Variants in UQCC1 observed in about 807,000 individuals in gnomAD.
The protein encoded by UQCC1 is bFGF-repressed Zic-binding protein.
UQCC1 carries 38 observed loss-of-function variants against 48.0 expected under a neutral mutation model. The ratio of observed to expected loss-of-function variants is 0.79; its 90% CI spans 0.61 to 1.04. The LOEUF is 1.04. Among genes scored for constraint, UQCC1 ranks in the 50% least tolerant of loss-of-function variants. The probability of loss-of-function intolerance (pLI) is 0.00; values close to 1 mark genes in which losing one functional copy is unlikely to be tolerated. For synonymous variants in UQCC1, 111 were observed against 129.2 expected, an observed-to-expected ratio of 0.86 and a Z score of 0.95; for missense variants, 368 against 381.8, an observed-to-expected ratio of 0.96 and a Z score of 0.30.
At chr20:35,398,143 G>A (rs2062108083) in intron 1 of UQCC1, among the ~76,000 whole-genome samples, 1 of 152,136 alleles carries the variant, frequency 6.6e-6, no homozygotes, top group African/African-American at 2.4e-5. Context: ...GCTCATTTAT[G>A]GGATGAAAGG....
intron 8 of UQCC1, among the ~76,000 whole-genome samples, chr20:35,310,830 C>T (rs1468576579): frequency 6.8e-6 from 1 of 147,236 alleles, no homozygotes; most frequent in East Asian, 2.1e-4. Context: ...GTAGCTGGGA[C>T]TACAGGCGCC....
intron 1 of UQCC1, among the ~76,000 whole-genome samples, chr20:35,398,802 T>G: frequency 6.8e-6 from 1 of 147,486 alleles, no homozygotes; most frequent in African/African-American, 2.5e-5. Context: ...AATTACAAGT[T>G]GAAACAATGC....
intron 6 of UQCC1, among the ~76,000 whole-genome samples, chr20:35,354,819 CTG>C (rs1818503908): frequency 1.3e-5 from 2 of 152,180 alleles, no homozygotes; most frequent in African/African-American, 4.8e-5. Context: ...TTCTTGGAAA[CTG>C]TAACTGTAAG....
In UQCC1 at chr20:35,384,050, G is replaced by A. The variant is rs1282497184; in HGVS notation, c.213C>T (p.His71=). The A allele has an allele frequency of 6.2e-7, 1 of 1,612,064 alleles. No homozygotes were observed. Among genetic ancestry groups the A allele is most frequent in the Non-Finnish European group, 8.5e-7 (1 of 1,178,328 alleles). ...GIDIQLNRKY[H]TTRKLSTTKD... ...TGATAATTCTCACCTTACGTGTGGTGTGATACTTCCTATTCAGCTGTATGT... is the reference window on the plus strand; with the variant it reads ...TGATAATTCTCACCTTACGTGTGGTATGATACTTCCTATTCAGCTGTATGT... The change falls in exon 3 of 10, where the codon CAC becomes CAT. Residue 71 remains histidine (H), a synonymous_variant. Coordinates refer to ENST00000374385, the MANE Select transcript of UQCC1 (RefSeq NM_018244.5).
intron 1 of UQCC1, among the ~76,000 whole-genome samples, chr20:35,410,733 T>TAAAAA (rs2062346505): frequency 6.4e-5 from 1 of 15,556 alleles, no homozygotes; most frequent in African/African-American, 2.6e-4. Context: ...AACAAAACCC[T>TAAAAA]AAAGGGTGGC....
intron 1 of UQCC1, among the ~76,000 whole-genome samples, chr20:35,411,713 A>T (rs957331697): frequency 6.6e-6 from 1 of 152,150 alleles, no homozygotes; most frequent in African/African-American, 2.4e-5. Context: ...CATCAAATAA[A>T]GGCCAGATGT....
intron 7 of UQCC1, among the ~76,000 whole-genome samples, chr20:35,328,200 G>A (rs1054529295): frequency 1.3e-5 from 2 of 152,106 alleles, no homozygotes; most frequent in Non-Finnish European, 2.9e-5. Context: ...TTGGTGTTCT[G>A]TATTTAAGTC....
At chr20:35,334,501 A>G (rs2061292974) in intron 7 of UQCC1, among the ~76,000 whole-genome samples, 1 of 152,148 alleles carries the variant, frequency 6.6e-6, no homozygotes, top group South Asian at 2.1e-4. Context: ...TCTAGCAAAC[A>G]CCTACTTATC....
chr20:35,306,786 C>T lies in UQCC1; in HGVS notation c.652-7G>A, dbSNP rs2060933976. On this transcript the variant is annotated splice_polypyrimidine_tract_variant and splice_region_variant and intron_variant, in intron 8 of 9. Coordinates refer to ENST00000374385, the MANE Select transcript of UQCC1 (RefSeq NM_018244.5). ...GATCATCTGAAAGGATCCCCTGGAA[C>T]ATACAGCACAGCAGTGGTCTCCTGA... 7.5e-6 allele frequency: 12 copies of T among 1,608,858 alleles called. No individual in the cohort carries two copies. Among genetic ancestry groups the T allele is most frequent in the African/African-American group, 1.3e-5 (1 of 74,958 alleles).
At chr20:35,396,935 AAAT>A (rs1477759183) in intron 1 of UQCC1, among the ~76,000 whole-genome samples, 2 of 152,204 alleles carry the variant, frequency 1.3e-5, no homozygotes, top group South Asian at 4.1e-4. Context: ...CCAGATACAT[AAAT>A]TGCTTGAAAA....
intron 9 of UQCC1, among the ~76,000 whole-genome samples, chr20:35,304,989 G>C (rs2060912875): frequency 6.6e-6 from 1 of 152,144 alleles, no homozygotes. Context: ...CACCTCCTGG[G>C]TTGAAAATCT....
At chr20:35,326,993 G>A (rs2061202106) in intron 7 of UQCC1, among the ~76,000 whole-genome samples, 1 of 152,090 alleles carries the variant, frequency 6.6e-6, no homozygotes, top group African/African-American at 2.4e-5. Flanking sequence ...GGATCTAAAG[G>A]CAACACTGAG....
intron 2 of UQCC1, among the ~76,000 whole-genome samples, chr20:35,388,418 A>T (rs1269136010): frequency 6.7e-6 from 1 of 150,168 alleles, no homozygotes; most frequent in African/African-American, 2.5e-5. Context: ...CAGCCTCCTG[A>T]GTACCTGGGA....
chr20:35,392,329 C>G, intron 2 of UQCC1: 3 of 1,282,782 alleles, frequency 2.3e-6, no homozygotes, highest in Non-Finnish European at 1.0e-6. Context: ...GACAAAAGGT[C>G]CAGTTGATTT....
intron 7 of UQCC1, among the ~76,000 whole-genome samples, chr20:35,319,595 G>A (rs992851400): frequency 6.6e-6 from 1 of 152,160 alleles, no homozygotes; most frequent in Non-Finnish European, 1.5e-5. Flanking sequence ...GGCCAGGGAC[G>A]GGTCCTGGAG....
intron 7 of UQCC1, among the ~76,000 whole-genome samples, chr20:35,325,811 G>C (rs940323126): frequency 2.6e-5 from 4 of 152,102 alleles, no homozygotes; most frequent in African/African-American, 9.6e-5. Context: ...TAAAGGCACA[G>C]GGAGGTGAAC....
intron 6 of UQCC1, among the ~76,000 whole-genome samples, chr20:35,366,034 A>G (rs1307842799): frequency 1.3e-5 from 2 of 152,192 alleles, no homozygotes. Context: ...TTTTTTGGCT[A>G]CTTATTTCAC....
chr20:35,382,397 TC>T (rs2061882420), intron 3 of UQCC1, among the ~76,000 whole-genome samples: 1 of 152,008 alleles, frequency 6.6e-6, no homozygotes, highest in Non-Finnish European at 1.5e-5. Flanking sequence ...TGCTTCAGCC[TC>T]CCCAAATGCT....
chr20:35,341,570 G>A (rs1485011807), intron 7 of UQCC1, among the ~76,000 whole-genome samples: 2 of 152,180 alleles, frequency 1.3e-5, no homozygotes, highest in South Asian at 2.1e-4. Context: ...ACAGATGTAC[G>A]TGATCCTGCA....
Sources: gnomAD v4.1 joint callset for allele counts (sites outside exome capture counted in the v4.1 genomes callset) on GRCh38, gnomAD v4.1.1 for gene constraint, MANE v1.5 for transcripts, NCBI Gene and HGNC (gene_info 2026-07-23, HGNC 2026-07-21) for gene names.